AGPAT5: variants seen among roughly 807,000 people sequenced by gnomAD.
AGPAT5 encodes 1-acyl-sn-glycerol-3-phosphate acyltransferase epsilon.
Under a neutral mutation model 45.6 loss-of-function variants are expected in AGPAT5, and 46 were observed. The ratio of observed to expected loss-of-function variants is 1.01; its 90% CI spans 0.80 to 1.29. AGPAT5 has a LOEUF of 1.29. AGPAT5 is among the 50% of genes most tolerant of loss of function. The pLI is 0.00. For synonymous variants in AGPAT5, 272 were observed against 167.0 expected, an observed-to-expected ratio of 1.63 and a Z score of -4.85; for missense variants, 673 against 450.7, an observed-to-expected ratio of 1.49 and a Z score of -4.47.
At position 6,761,335 on chromosome 8, in the gene AGPAT5, CTT is replaced by C. The variant is rs34185401; in HGVS notation, c.*3953_*3954del. Among the ~76,000 whole-genome samples the C allele has an allele frequency of 6.6e-6, 1 of 151,206 alleles. No individual in the cohort carries two copies. Among genetic ancestry groups the C allele is most frequent in the African/African-American group, 2.5e-5 (1 of 40,738 alleles). ...TCTGCAATTTTATAAATGTTCATGTCTTTTTTTAAAAAAGGTGCTATTGAAAT... is the reference window on the plus strand; with the variant it reads ...TCTGCAATTTTATAAATGTTCATGTCTTTTTAAAAAAGGTGCTATTGAAAT... On this transcript the variant is annotated 3_prime_UTR_variant, in exon 8 of 8. Coordinates refer to ENST00000285518, the MANE Select transcript of AGPAT5 (RefSeq NM_018361.5).
chr8:6,738,720 A>C (rs1253674414), intron 4 of AGPAT5, among the ~76,000 whole-genome samples: 1 of 152,196 alleles, frequency 6.6e-6, no homozygotes, highest in African/African-American at 2.4e-5. Context: ...AGTTTTTTGC[A>C]TCTGTTACTT....
chr8:6,736,695 G>T (rs1305892513), intron 4 of AGPAT5, among the ~76,000 whole-genome samples: 1 of 152,244 alleles, frequency 6.6e-6, no homozygotes, highest in Non-Finnish European at 1.5e-5. Flanking sequence ...GGCTCCTCTA[G>T]CGTGGGCCCC....
chr8:6,747,206 T>G (rs1263748293), intron 5 of AGPAT5, among the ~76,000 whole-genome samples: 1 of 152,224 alleles, frequency 6.6e-6, no homozygotes, highest in Non-Finnish European at 1.5e-5. Context: ...TAAAAAGGAA[T>G]GAAGCACTGA....
At chr8:6,746,646 C>CA (rs2116942980) in intron 5 of AGPAT5, among the ~76,000 whole-genome samples, 1 of 152,330 alleles carries the variant, frequency 6.6e-6, no homozygotes, top group African/African-American at 2.4e-5. Flanking sequence ...GGACTAAAGT[C>CA]AGATACGTGC....
chr8:6,716,434 G>A (rs185916124), intron 1 of AGPAT5, among the ~76,000 whole-genome samples: 1 of 152,076 alleles, frequency 6.6e-6, no homozygotes, highest in African/African-American at 2.4e-5. Flanking sequence ...GGTGGTGTGT[G>A]CCTGTAGTCC....
At chr8:6,718,019 C>T (rs1332320186) in intron 1 of AGPAT5, among the ~76,000 whole-genome samples, 1 of 152,154 alleles carries the variant, frequency 6.6e-6, no homozygotes, top group Non-Finnish European at 1.5e-5. Context: ...TTCTCAGTCT[C>T]AAGATTCTCG....
At position 6,747,858 on chromosome 8, in the gene AGPAT5, G is replaced by A. The variant is rs780513259; in HGVS notation, c.745+30G>A. On this transcript the variant is annotated intron_variant, in intron 6 of 7. Transcript: ENST00000285518. ...GTGTGTTCACGCACCTGAAATGCCTGTACACGGTATATACAGTGCACATGT... is the reference window on the plus strand; with the variant it reads ...GTGTGTTCACGCACCTGAAATGCCTATACACGGTATATACAGTGCACATGT... The A allele has an allele frequency of 1.9e-6, 3 of 1,610,992 alleles. No individual in the cohort carries two copies. The South Asian group carries it at 3.3e-5, about 18-fold the overall frequency.
At chr8:6,739,685 A>G (rs1381638526) in intron 4 of AGPAT5, among the ~76,000 whole-genome samples, 1 of 152,038 alleles carries the variant, frequency 6.6e-6, no homozygotes, top group Non-Finnish European at 1.5e-5. Flanking sequence ...ATAAACAATC[A>G]TGTCATTGTT....
At chr8:6,709,078 C>T (rs1364170832) in intron 1 of AGPAT5, 191 bp downstream of exon 1, 2 of 690,366 alleles carry the variant, frequency 2.9e-6, no homozygotes, top group East Asian at 2.8e-5. Context: ...CTCTAGGAAG[C>T]TGTGGCTGCG....
intron 5 of AGPAT5, among the ~76,000 whole-genome samples, chr8:6,742,569 G>T (rs1253380039): frequency 6.6e-6 from 1 of 152,198 alleles, no homozygotes; most frequent in Non-Finnish European, 1.5e-5. Flanking sequence ...GGAACTTTCT[G>T]CAATAATGGT....
chr8:6,738,722 C>G (rs1347839360), intron 4 of AGPAT5, among the ~76,000 whole-genome samples: 1 of 152,176 alleles, frequency 6.6e-6, no homozygotes, highest in East Asian at 1.9e-4. Context: ...TTTTTTGCAT[C>G]TGTTACTTAC....
chr8:6,753,968 C>A (rs1489918029), intron 6 of AGPAT5, among the ~76,000 whole-genome samples: 2 of 152,198 alleles, frequency 1.3e-5, no homozygotes, highest in African/African-American at 4.8e-5. Context: ...GGAGCAAAGA[C>A]AAGTCTTCCT....
At chr8:6,712,581 G>C (rs889040050) in intron 1 of AGPAT5, among the ~76,000 whole-genome samples, 1 of 152,114 alleles carries the variant, frequency 6.6e-6, no homozygotes, top group East Asian at 1.9e-4. Flanking sequence ...CCTTGAGCTG[G>C]AGTTTAAGGA....
At chr8:6,749,111 T>G (rs1801569973) in intron 6 of AGPAT5, among the ~76,000 whole-genome samples, 1 of 152,212 alleles carries the variant, frequency 6.6e-6, no homozygotes, top group South Asian at 2.1e-4. Context: ...TGTGTCATCT[T>G]TGGATGTTAG....
Position 6,716,499 on chromosome 8 carries a change from T to G in AGPAT5, c.219+7612T>G, listed in dbSNP as rs551353825. Reference sequence around the variant, plus strand: ...TCACTTGAACATGGGAGGTAGAGGCTCCAGCTTGGGCGACAGAGTGAGACC... The same window carrying G: ...TCACTTGAACATGGGAGGTAGAGGCGCCAGCTTGGGCGACAGAGTGAGACC... On this transcript the variant is annotated intron_variant, in intron 1 of 7. Coordinates refer to ENST00000285518, the MANE Select transcript of AGPAT5 (RefSeq NM_018361.5). 1.8e-4 allele frequency among the ~76,000 whole-genome samples: 28 copies of G among 151,874 alleles called. No homozygotes were observed. In the South Asian group the frequency reaches 5.0e-3, roughly 27 times the overall value.
At chr8:6,739,203 G>C (rs534956507) in intron 4 of AGPAT5, among the ~76,000 whole-genome samples, 1 of 152,202 alleles carries the variant, frequency 6.6e-6, no homozygotes, top group African/African-American at 2.4e-5. Flanking sequence ...TTGCTTTGCA[G>C]TAAGTTTTTA....
chr8:6,740,821 G>A (rs1397738562), intron 4 of AGPAT5, among the ~76,000 whole-genome samples: 1 of 151,988 alleles, frequency 6.6e-6, no homozygotes, highest in African/African-American at 2.4e-5. Context: ...TCCAATAAAC[G>A]TAGTTTTCTC....
intron 6 of AGPAT5, among the ~76,000 whole-genome samples, chr8:6,754,149 C>A (rs148108728): frequency 6.6e-6 from 1 of 152,174 alleles, no homozygotes; most frequent in East Asian, 1.9e-4. Flanking sequence ...TGTTAACATT[C>A]TTACCTGTCC....
chr8:6,739,055 T>A (rs1801150440), intron 4 of AGPAT5, among the ~76,000 whole-genome samples: 1 of 152,118 alleles, frequency 6.6e-6, no homozygotes, highest in Admixed American at 6.6e-5. Flanking sequence ...ATAGAAAAGA[T>A]TATTTCCCCC....
Sources: allele counts gnomAD v4.1 joint callset (sites outside exome capture counted in the v4.1 genomes callset), GRCh38; gene constraint gnomAD v4.1.1; transcripts MANE v1.5; gene names NCBI Gene and HGNC (gene_info 2026-07-23, HGNC 2026-07-21).